Variants in SPATA13 observed in about 807,000 individuals in gnomAD.
SPATA13 encodes spermatogenesis-associated protein 13.
Under a neutral mutation model 104.0 loss-of-function variants are expected in SPATA13, and 50 were observed. The observed-to-expected ratio is 0.48, with a 90% CI of 0.38 to 0.61. The LOEUF (loss-of-function observed/expected upper bound fraction) is 0.61, where lower values mean the gene tolerates loss of function less well. Among genes scored for constraint, SPATA13 ranks in the 20% least tolerant of loss-of-function variants. SPATA13 has a pLI of 0.00. For missense variants in SPATA13, 1,524 were observed against 1,690.6 expected (o/e 0.90, Z 1.73); for synonymous variants, 606 against 667.5 (o/e 0.91, Z 1.42).
intron 4 of SPATA13, among the ~76,000 whole-genome samples, chr13:24,275,601 G>T (rs920084592): frequency 1.3e-5 from 2 of 152,170 alleles, no homozygotes; most frequent in African/African-American, 4.8e-5. Flanking sequence ...TTTCAATTTG[G>T]AGCAGTCTTT....
chr13:24,255,896 T>A (rs1873767613), intron 4 of SPATA13, among the ~76,000 whole-genome samples: 1 of 152,258 alleles, frequency 6.6e-6, no homozygotes, highest in South Asian at 2.1e-4. Flanking sequence ...GATTTTCAGA[T>A]GAACTGAATA....
chr13:24,013,593 G>A (rs1876575635), intron 2 of SPATA13, among the ~76,000 whole-genome samples: 2 of 152,026 alleles, frequency 1.3e-5, no homozygotes, highest in Admixed American at 1.3e-4. Flanking sequence ...AGATCTTATT[G>A]ATCTCTAATT....
At chr13:24,287,562 T>G (rs993129140) in intron 7 of SPATA13, among the ~76,000 whole-genome samples, 2 of 152,186 alleles carry the variant, frequency 1.3e-5, no homozygotes, top group African/African-American at 4.8e-5. Flanking sequence ...CTCACTTGAT[T>G]TTACAAAGAG....
chr13:24,290,729 G>A lies in SPATA13; in HGVS notation c.2925G>A (p.Lys975=), dbSNP rs368889322. The change falls in exon 9 of 13, where the codon AAG becomes AAA. Residue 975 remains lysine, a synonymous_variant. Coordinates refer to ENST00000382108, the MANE Select transcript of SPATA13 (RefSeq NM_001166271.3). The stretch of plus-strand genomic sequence containing the variant: ...GCCTGGAGCTCGCCAACCTCATGAA[G>A]CAGGGCAAGTACAGACATTTCTTTG... The part of the protein sequence containing the change: ...GACLELANLM[K]QGKYRHFFEA... 156 of 1,614,100 alleles carry A rather than the reference G, an allele frequency of 9.7e-5. 1 individual carries two copies. The highest frequency in any genetic ancestry group is 1.3e-4 in the Non-Finnish European group (149 of 1,180,044).
intron 3 of SPATA13, among the ~76,000 whole-genome samples, chr13:24,075,006 G>A (rs7981441): frequency 0.3 from 45,277 of 152,038 alleles, 7,086 homozygotes; most frequent in Middle Eastern, 0.35. Context: ...TACACCTGCA[G>A]TTTGGTTATG....
chr13:24,229,173 T>C (rs1417116988), intron 2 of SPATA13, among the ~76,000 whole-genome samples: 2 of 152,212 alleles, frequency 1.3e-5, no homozygotes, highest in African/African-American at 4.8e-5. Flanking sequence ...CTGCTTCTCC[T>C]ACCAGCTCAC....
At chr13:24,121,271 C>T (rs1012907333) in intron 3 of SPATA13, among the ~76,000 whole-genome samples, 1 of 152,122 alleles carries the variant, frequency 6.6e-6, no homozygotes, top group Non-Finnish European at 1.5e-5. Flanking sequence ...TTTTTACATA[C>T]CGAATTCAAG....
chr13:24,249,386 C>T (rs748073469), intron 2 of SPATA13, 91 bp from the exon 3 acceptor site: 22 of 1,413,990 alleles, frequency 1.6e-5, no homozygotes, highest in South Asian at 7.7e-5. Flanking sequence ...ACCCGAGGCA[C>T]GGCTGTGGTG....
chr13:24,086,055 G>A (rs1879708027), intron 3 of SPATA13, among the ~76,000 whole-genome samples: 1 of 70,202 alleles, frequency 1.4e-5, no homozygotes, highest in African/African-American at 4.4e-5. Context: ...TAGCAGAGAA[G>A]TTTCACTGTG....
chr13:24,136,532 G>A (rs1881576570), intron 3 of SPATA13, among the ~76,000 whole-genome samples: 1 of 151,946 alleles, frequency 6.6e-6, no homozygotes, highest in East Asian at 1.9e-4. Flanking sequence ...AAAAAGAGAG[G>A]GAGGGAGGGA....
At chr13:24,236,564 C>G (rs1872580265) in intron 2 of SPATA13, among the ~76,000 whole-genome samples, 1 of 148,494 alleles carries the variant, frequency 6.7e-6, no homozygotes, top group Non-Finnish European at 1.5e-5. Context: ...CCACTGCACT[C>G]CAGCCTGGGT....
intron 2 of SPATA13, among the ~76,000 whole-genome samples, chr13:24,236,255 A>C (rs1432698519): frequency 6.6e-6 from 1 of 152,212 alleles, no homozygotes; most frequent in Non-Finnish European, 1.5e-5. Context: ...TTTTTAAATT[A>C]AATGACATAA....
chr13:24,231,373 G>C (rs1365679093), intron 2 of SPATA13, among the ~76,000 whole-genome samples: 1 of 152,114 alleles, frequency 6.6e-6, no homozygotes. Flanking sequence ...TTTGTGACTG[G>C]CTTCTTTCAC....
intron 2 of SPATA13, among the ~76,000 whole-genome samples, chr13:23,994,526 G>C (rs531833708): frequency 2.6e-5 from 4 of 152,238 alleles, no homozygotes; most frequent in Non-Finnish European, 5.9e-5. Flanking sequence ...GACTGCAGGT[G>C]CCTTTCAGGC....
chr13:24,017,735 C>T (rs1043470088), intron 3 of SPATA13: 1 of 981,748 alleles, frequency 1.0e-6, no homozygotes, highest in African/African-American at 1.8e-5. Flanking sequence ...CTTCCCTCTC[C>T]TTCCTCCTTC....
chr13:24,251,484 T>C (rs950936792), intron 3 of SPATA13: 2 of 985,180 alleles, frequency 2.0e-6, no homozygotes, highest in Non-Finnish European at 2.4e-6. Flanking sequence ...TGCAGACAAG[T>C]GAGATGAAAC....
chr13:23,999,178 C>T (rs1342024784), intron 2 of SPATA13, among the ~76,000 whole-genome samples: 1 of 151,958 alleles, frequency 6.6e-6, no homozygotes, highest in African/African-American at 2.4e-5. Context: ...CCACCTGCCT[C>T]GGCCTCCCAA....
intron 3 of SPATA13, among the ~76,000 whole-genome samples, chr13:24,116,558 T>C (rs773804304): frequency 6.6e-6 from 1 of 152,118 alleles, no homozygotes; most frequent in African/African-American, 2.4e-5. Context: ...TCTCAGGCAG[T>C]CCCCACAACG....
At chr13:24,256,566 T>C (rs1185657478) in intron 4 of SPATA13, among the ~76,000 whole-genome samples, 1 of 148,112 alleles carries the variant, frequency 6.8e-6, no homozygotes, top group African/African-American at 2.5e-5. Context: ...TGCATTTAAT[T>C]TTTTTTTTTT....
Sources: gnomAD v4.1 joint callset for allele counts (sites outside exome capture counted in the v4.1 genomes callset) on GRCh38, gnomAD v4.1.1 for gene constraint, MANE v1.5 for transcripts, NCBI Gene and HGNC (gene_info 2026-07-23, HGNC 2026-07-21) for gene names.